The following SPAST variants were observed in gnomAD, a reference collection of about 807,000 sequenced individuals.
The protein encoded by SPAST is spastin, also known as spastic paraplegia 4 (autosomal dominant; spastin).
SPAST carries 30 observed loss-of-function variants against 76.6 expected under a neutral mutation model. That is an observed-to-expected ratio of 0.39 (90% CI 0.29 to 0.53). SPAST has a LOEUF of 0.53. SPAST is among the 20% of genes least tolerant of loss of function. The pLI, the probability that SPAST is intolerant of heterozygous loss-of-function variation, is 0.68. For missense variants in SPAST, 717 were observed against 770.5 expected, an observed-to-expected ratio of 0.93 and a Z score of 0.82; for synonymous variants, 305 against 281.0, an observed-to-expected ratio of 1.09 and a Z score of -0.86.
intron 3 of SPAST, among the ~76,000 whole-genome samples, chr2:32,098,228 G>A (rs1677994415): frequency 6.6e-6 from 1 of 152,084 alleles, no homozygotes; most frequent in African/African-American, 2.4e-5. Context: ...CACTTTGGGA[G>A]GCTAAGGCGG....
chr2:32,107,970 A>G (rs1489430183), intron 4 of SPAST, among the ~76,000 whole-genome samples: 3 of 152,170 alleles, frequency 2.0e-5, no homozygotes, highest in Admixed American at 1.3e-4. Flanking sequence ...ACAATGTGTT[A>G]TCTATTATAC....
intron 1 of SPAST, among the ~76,000 whole-genome samples, chr2:32,073,012 C>T (rs1009791004): frequency 6.6e-6 from 1 of 152,148 alleles, no homozygotes; most frequent in African/African-American, 2.4e-5. Flanking sequence ...TATTTACTGG[C>T]ATCTGCACCA....
At chr2:32,147,769 C>T (rs1294337340) in intron 16 of SPAST, among the ~76,000 whole-genome samples, 1 of 151,662 alleles carries the variant, frequency 6.6e-6, no homozygotes, top group African/African-American at 2.4e-5. Context: ...GTAGCTGGGA[C>T]TACAGGCGCC....
At chr2:32,074,921 A>T (rs958974177) in intron 1 of SPAST, among the ~76,000 whole-genome samples, 1 of 152,196 alleles carries the variant, frequency 6.6e-6, no homozygotes, top group East Asian at 1.9e-4. Flanking sequence ...TTAACTATGT[A>T]TGCTGAGATG....
rs76494041 is a variant in SPAST at position 32,147,274 on chromosome 2, A to G, written c.1728+16A>G. 1.2e-3 allele frequency: 1,940 copies of G among 1,567,728 alleles called. 29 individuals carry two copies. The African/African-American group carries it at 0.023, about 19-fold the overall frequency. On this transcript the variant is annotated intron_variant, in intron 16 of 16. Coordinates refer to ENST00000315285, the MANE Select transcript of SPAST (RefSeq NM_014946.4). ...TGCCAGTGAGGTATAGTATTTTACA[A>G]TGATATTTTCTTTGTCTTCTATATT...
chr2:32,109,588 T>C (rs1386438651), intron 4 of SPAST, among the ~76,000 whole-genome samples: 2 of 148,274 alleles, frequency 1.3e-5, no homozygotes, highest in African/African-American at 4.9e-5. Context: ...TAATGATTCC[T>C]TTTTTTTTTC....
chr2:32,103,551 G>A (rs1266557631), intron 4 of SPAST, among the ~76,000 whole-genome samples: 1 of 152,020 alleles, frequency 6.6e-6, no homozygotes, highest in Non-Finnish European at 1.5e-5. Context: ...TCTTTTAATG[G>A]TGATGTTAGG....
At chr2:32,091,946 A>G (rs1430592379) in intron 3 of SPAST, among the ~76,000 whole-genome samples, 10 of 152,194 alleles carry the variant, frequency 6.6e-5, no homozygotes, top group Admixed American at 6.6e-4. Context: ...ATAATATCTC[A>G]TATTTTTGAC....
intron 7 of SPAST, among the ~76,000 whole-genome samples, chr2:32,126,041 C>T (rs1328123283): frequency 4.6e-5 from 7 of 152,126 alleles, no homozygotes; most frequent in Admixed American, 2.0e-4. Context: ...GTGATCCGCC[C>T]GCCTTGGCCT....
chr2:32,152,918 T>G (rs905468262), intron 16 of SPAST, among the ~76,000 whole-genome samples: 6 of 152,110 alleles, frequency 3.9e-5, no homozygotes, highest in African/African-American at 1.4e-4. Flanking sequence ...TAGCTAAATT[T>G]TGTACATTTT....
rs28362154 is a variant in SPAST, at chr2:32,111,263, C to A, written c.683-3375C>A. Among the ~76,000 whole-genome samples the A allele has an allele frequency of 9.0e-3, 526 of 58,660 alleles. 9 individuals carry two copies. Among genetic ancestry groups the A allele is most frequent in the African/African-American group, 0.02 (326 of 16,268 alleles). The allele number at this position is 58,660 out of a possible 152,430, so 38.5% of individuals were successfully genotyped here. A position where few individuals can be genotyped will look rare whatever the true frequency, so the allele number is the denominator to read the frequency against. Reference sequence around the variant, plus strand: ...ACAGTATACTATATAGTGTGTATAGCGTATATATACAGTATACTATATAGT... The same window carrying A: ...ACAGTATACTATATAGTGTGTATAGAGTATATATACAGTATACTATATAGT... On this transcript the variant is annotated intron_variant, in intron 4 of 16. Coordinates refer to ENST00000315285, the MANE Select transcript of SPAST (RefSeq NM_014946.4).
At chr2:32,117,472 A>C (rs775155198) in intron 7 of SPAST, among the ~76,000 whole-genome samples, 11 of 151,286 alleles carry the variant, frequency 7.3e-5, no homozygotes, top group Non-Finnish European at 1.2e-4. Context: ...TTTTTTTTTA[A>C]TTATTTTTAA....
In SPAST at chr2:32,098,758, G is replaced by GT. The variant is rs775154340; in HGVS notation, c.587-35dup. 1.7e-5 allele frequency: 23 copies of GT among 1,318,804 alleles called. No homozygotes were observed. The Admixed American group carries it at 3.9e-4, about 22-fold the overall frequency. 81.7% of individuals were successfully genotyped at this position (1,318,804 alleles called of 1,614,324 possible). On this transcript the variant is annotated intron_variant, in intron 3 of 16. Transcript: ENST00000315285. ...TTTGTTCATTATCTTTTTTCTTTTT[G>GT]TTTATTTTTTCTGTTTTTTACCTTC...
At chr2:32,089,640 T>A (rs757381392) in intron 3 of SPAST, 35 bp downstream of exon 3, 1 of 1,063,318 alleles carries the variant, frequency 9.4e-7, no homozygotes, top group Non-Finnish European at 1.5e-6. Context: ...GTGGGATGTA[T>A]TGGAAATGTG....
chr2:32,142,854 T>C (rs146530190), intron 13 of SPAST, among the ~76,000 whole-genome samples: 200 of 152,304 alleles, frequency 1.3e-3, no homozygotes, highest in Non-Finnish European at 2.3e-3. Flanking sequence ...TTAAAACTCA[T>C]TGAATTATAT....
At chr2:32,122,985 G>A (rs1392818040) in intron 7 of SPAST, among the ~76,000 whole-genome samples, 7 of 152,074 alleles carry the variant, frequency 4.6e-5, no homozygotes, top group African/African-American at 1.7e-4. Context: ...AATACTGCTG[G>A]GTGCAGTGGC....
chr2:32,072,323 G>A (rs1188979968), intron 1 of SPAST, among the ~76,000 whole-genome samples: 4 of 152,198 alleles, frequency 2.6e-5, no homozygotes, highest in South Asian at 4.1e-4. Context: ...GATTACAGGC[G>A]TGAGCCACTG....
At chr2:32,085,522 T>C (rs990843643) in intron 1 of SPAST, among the ~76,000 whole-genome samples, 53 of 152,138 alleles carry the variant, frequency 3.5e-4, no homozygotes, top group African/African-American at 1.2e-3. Context: ...CCAGTCTTCA[T>C]AAACTTTTCT....
Position 32,075,703 on chromosome 2 carries a change from C to G in SPAST, c.415+11457C>G, listed in dbSNP as rs571417397. On this transcript the variant is annotated intron_variant, in intron 1 of 16. Transcript: ENST00000315285. Reference sequence around the variant, plus strand: ...TAGATGGGACTACAGGCACATGGCACCATGCCCAGCTAATTTTTTGTGTAG... The same window carrying G: ...TAGATGGGACTACAGGCACATGGCAGCATGCCCAGCTAATTTTTTGTGTAG... Among the ~76,000 whole-genome samples, 5 of 150,514 alleles carry G rather than the reference C, an allele frequency of 3.3e-5. No homozygotes were observed. In the South Asian group the frequency reaches 6.3e-4, roughly 19 times the overall value.
Sources: gnomAD v4.1 joint callset for allele counts (sites outside exome capture counted in the v4.1 genomes callset) on GRCh38, gnomAD v4.1.1 for gene constraint, MANE v1.5 for transcripts, NCBI Gene and HGNC (gene_info 2026-07-23, HGNC 2026-07-21) for gene names.